RORB: variants seen among roughly 807,000 people sequenced by gnomAD.
RORB encodes nuclear receptor ROR-beta.
Under a neutral mutation model 59.1 loss-of-function variants are expected in RORB, and 6 were observed. That is an observed-to-expected ratio of 0.10 (90% confidence interval 0.06 to 0.20). RORB has a LOEUF of 0.20. Among genes scored for constraint, RORB ranks in the 10% least tolerant of loss-of-function variants. The pLI, the probability that RORB is intolerant of heterozygous loss-of-function variation, is 1.00. For synonymous variants in RORB, 215 were observed against 204.5 expected (o/e 1.05, Z -0.44); for missense variants, 320 against 560.5 (o/e 0.57, Z 4.33).
chr9:74,605,288 C>T lies in RORB; in HGVS notation c.8-24994C>T, dbSNP rs991812111. On this transcript the variant is annotated intron_variant, in intron 1 of 9. Coordinates refer to ENST00000376896, the MANE Select transcript of RORB (RefSeq NM_006914.4). ...CAATTCTCATTCGGAAACAGATTTA[C>T]GGCAGGTAGTCAAATTTCACGAGGG... 7.2e-5 allele frequency among the ~76,000 whole-genome samples: 11 copies of T among 152,236 alleles called. No homozygotes were observed. In the South Asian group the frequency reaches 1.7e-3, roughly 23 times the overall value.
chr9:74,680,619 A>G (rs368951655), intron 9 of RORB, among the ~76,000 whole-genome samples: 6 of 152,314 alleles, frequency 3.9e-5, no homozygotes, highest in African/African-American at 1.2e-4. Flanking sequence ...CTCAAGTTTA[A>G]TGTTATAATT....
chr9:74,655,751 T>C (rs1178658013), intron 4 of RORB, among the ~76,000 whole-genome samples: 1 of 152,178 alleles, frequency 6.6e-6, no homozygotes. Context: ...ACCATCTCCT[T>C]GGACATTCAA....
chr9:74,652,469 A>G (rs925940955), intron 4 of RORB, among the ~76,000 whole-genome samples: 9 of 152,248 alleles, frequency 5.9e-5, no homozygotes, highest in Non-Finnish European at 1.2e-4. Flanking sequence ...TAATCACTTT[A>G]TTAATCTATT....
intron 1 of RORB, 55 bp downstream of exon 1, chr9:74,498,038 C>T (rs956158740): frequency 8.8e-6 from 14 of 1,592,834 alleles, no homozygotes; most frequent in African/African-American, 1.3e-5. Flanking sequence ...TCCAGCCAGA[C>T]GGGGAGATGG....
At chr9:74,616,212 G>A (rs985014711) in intron 1 of RORB, among the ~76,000 whole-genome samples, 11 of 151,878 alleles carry the variant, frequency 7.2e-5, no homozygotes, top group African/African-American at 2.7e-4. Flanking sequence ...CATAATATAG[G>A]CAAATTTGGA....
intron 1 of RORB, among the ~76,000 whole-genome samples, chr9:74,568,129 G>A (rs947922974): frequency 7.9e-5 from 12 of 152,210 alleles, no homozygotes; most frequent in African/African-American, 2.6e-4. Flanking sequence ...CCTTTCACAT[G>A]TTAAGTGGGT....
intron 1 of RORB, among the ~76,000 whole-genome samples, chr9:74,538,055 C>A (rs550959090): frequency 2.6e-5 from 4 of 151,904 alleles, no homozygotes; most frequent in Admixed American, 6.6e-5. Flanking sequence ...TTTACTATAC[C>A]TTTTCTATAT....
At position 74,546,359 on chromosome 9, in the gene RORB, G is replaced by A. The variant is rs371544353; in HGVS notation, c.7+48376G>A. On this transcript the variant is annotated intron_variant, in intron 1 of 9. Coordinates refer to ENST00000376896, the MANE Select transcript of RORB (RefSeq NM_006914.4). ...TTATATAGTAAGAAAAGAGATCAGG[G>A]TTGACATGAGACCTTGGAGGATTGT... 2.0e-4 allele frequency among the ~76,000 whole-genome samples: 30 copies of A among 152,242 alleles called. No individual in the cohort carries two copies. The South Asian group carries it at 5.8e-3, about 30-fold the overall frequency.
Position 74,663,716 on chromosome 9 carries a change from C to T in RORB, c.892+1110C>T, listed in dbSNP as rs558362437. On this transcript the variant is annotated intron_variant, in intron 6 of 9. Coordinates refer to ENST00000376896, the MANE Select transcript of RORB (RefSeq NM_006914.4). ...GCAAAGGAATCCACTTTCAAATTGG[C>T]TCATTCACACAGCTGATGAGTTGTG... Among the ~76,000 whole-genome samples the T allele has an allele frequency of 2.6e-5, 4 of 152,252 alleles. No homozygotes were observed. In the East Asian group the frequency reaches 7.7e-4, roughly 29 times the overall value.
intron 1 of RORB, among the ~76,000 whole-genome samples, chr9:74,525,091 A>G (rs1369528725): frequency 6.6e-6 from 1 of 151,940 alleles, no homozygotes; most frequent in Non-Finnish European, 1.5e-5. Context: ...AACACAAAAG[A>G]TTAACCCAAA....
chr9:74,523,184 T>A (rs940630457), intron 1 of RORB, among the ~76,000 whole-genome samples: 3 of 151,866 alleles, frequency 2.0e-5, no homozygotes, highest in African/African-American at 7.2e-5. Flanking sequence ...TTTCTCAGTT[T>A]TTCCATTATC....
intron 1 of RORB, among the ~76,000 whole-genome samples, chr9:74,617,635 T>G (rs1259192751): frequency 2.0e-5 from 3 of 152,190 alleles, no homozygotes; most frequent in Non-Finnish European, 4.4e-5. Context: ...TATTCACTAA[T>G]TCTACATTTG....
At chr9:74,580,602 T>C (rs1822707453) in intron 1 of RORB, among the ~76,000 whole-genome samples, 1 of 152,176 alleles carries the variant, frequency 6.6e-6, no homozygotes, top group South Asian at 2.1e-4. Context: ...ATAATGATTT[T>C]TTTAGGAATA....
chr9:74,596,997 A>G (rs1448221844), intron 1 of RORB, among the ~76,000 whole-genome samples: 2 of 152,206 alleles, frequency 1.3e-5, no homozygotes, highest in African/African-American at 4.8e-5. Flanking sequence ...CTTCATTCCC[A>G]GGGAAAGCCC....
chr9:74,504,598 T>C (rs913250475), intron 1 of RORB, among the ~76,000 whole-genome samples: 6 of 152,108 alleles, frequency 3.9e-5, no homozygotes, highest in Non-Finnish European at 8.8e-5. Context: ...AAAATGGGTA[T>C]TTACTAATGT....
intron 4 of RORB, among the ~76,000 whole-genome samples, chr9:74,649,630 T>C (rs1319551): frequency 0.21 from 32,682 of 152,122 alleles, 3,894 homozygotes; most frequent in Non-Finnish European, 0.27. Context: ...CCTAGTAACA[T>C]GTATAGTGCT....
At chr9:74,519,582 A>G (rs1401573313) in intron 1 of RORB, among the ~76,000 whole-genome samples, 1 of 151,992 alleles carries the variant, frequency 6.6e-6, no homozygotes, top group Non-Finnish European at 1.5e-5. Context: ...TAACTCTTTT[A>G]AAATAAATTT....
intron 1 of RORB, among the ~76,000 whole-genome samples, chr9:74,585,922 G>A (rs1440404361): frequency 2.0e-5 from 3 of 151,976 alleles, no homozygotes; most frequent in African/African-American, 7.2e-5. Context: ...AGCCTCCCGA[G>A]TAGCTGGGAC....
chr9:74,575,902 C>T (rs186777012), intron 1 of RORB, among the ~76,000 whole-genome samples: 1 of 152,010 alleles, frequency 6.6e-6, no homozygotes, highest in Admixed American at 6.6e-5. Flanking sequence ...ATGAAAAAGC[C>T]CTGTGAAATG....
Sources: allele counts gnomAD v4.1 joint callset (sites outside exome capture counted in the v4.1 genomes callset), GRCh38; gene constraint gnomAD v4.1.1; transcripts MANE v1.5; gene names NCBI Gene and HGNC (gene_info 2026-07-23, HGNC 2026-07-21).